Variants in NLRC5 observed in about 807,000 individuals in gnomAD.
NLRC5 encodes protein NLRC5.
NLRC5 carries 114 observed loss-of-function variants against 206.9 expected under a neutral mutation model. That is an observed-to-expected ratio of 0.55 (90% CI 0.47 to 0.64). The LOEUF (loss-of-function observed/expected upper bound fraction) is 0.64. Among genes scored for constraint, NLRC5 ranks in the 30% least tolerant of loss-of-function variants. The pLI is 0.00. For synonymous variants in NLRC5, 952 were observed against 962.8 expected (o/e 0.99, Z 0.21); for missense variants, 2,008 against 2,305.5 (o/e 0.87, Z 2.64).
rs756074401 is a variant in NLRC5, at chr16:57,026,102, G to C, written c.1159G>C (p.Glu387Gln). ...NHFFSAQPSR[E>Q]GALVELQTNG... ...CTTCTTCAGCGCCCAGCCATCGCGG[G>C]AGGGGGCCCTGGTGGAGTTACAGAC... The change falls in exon 6 of 49, where the codon GAG becomes CAG. Residue 387 changes from glutamate (E) to glutamine (Q), a missense_variant. By Grantham distance (29) the Glu-to-Gln change is conservative. Transcript: ENST00000688547. 1.9e-6 allele frequency: 3 copies of C among 1,614,030 alleles called. No individual in the cohort carries two copies. The African/African-American group carries it at 4.0e-5, about 22-fold the overall frequency.
Position 57,063,201 on chromosome 16 carries a change from C to G in NLRC5, c.4154+1500C>G, listed in dbSNP as rs532508316. 8.6e-5 allele frequency among the ~76,000 whole-genome samples: 13 copies of G among 150,978 alleles called. No individual in the cohort carries two copies. In the East Asian group the frequency reaches 2.5e-3, roughly 30 times the overall value. ...GATCTCAGCTCACTGCACCCTCCAC[C>G]TCTTGGGTTCAAGCGATTCTCCTGC... is the stretch of plus-strand genomic sequence containing the variant. On this transcript the variant is annotated intron_variant, in intron 32 of 48. Coordinates refer to ENST00000688547, the MANE Select transcript of NLRC5 (RefSeq NM_001384950.1).
rs569750633 is a variant in NLRC5 at position 57,082,641 on chromosome 16, C to T, written c.*113C>T. On this transcript the variant is annotated 3_prime_UTR_variant, in exon 49 of 49. Coordinates refer to ENST00000688547, the MANE Select transcript of NLRC5 (RefSeq NM_001384950.1). Reference sequence around the variant, plus strand: ...AAGAGCCTCGGCAGGGCGCTCTGCACTCCACCCAGGAGGAAGGATACGTGT... The same window carrying T: ...AAGAGCCTCGGCAGGGCGCTCTGCATTCCACCCAGGAGGAAGGATACGTGT... The T allele has an allele frequency of 6.7e-5, 49 of 726,164 alleles. No homozygotes were observed. The African/African-American group carries it at 8.1e-4, about 12-fold the overall frequency. The allele number at this position is 726,164 out of a possible 1,614,324, so 45.0% of individuals were successfully genotyped here. A position where few individuals can be genotyped will look rare whatever the true frequency, so the allele number is the denominator to read the frequency against.
In NLRC5 at chr16:57,029,838, C is replaced by T; in HGVS notation, c.2309C>T (p.Pro770Leu). ...ATTGTGGAGGTTCTCCCTCACCTACCACGGCTCCGGAAGCTTGAGTAAGTG... is the reference window on the plus strand; with the variant it reads ...ATTGTGGAGGTTCTCCCTCACCTACTACGGCTCCGGAAGCTTGAGTAAGTG... ...LNIVEVLPHL[P>L]RLRKLDLSSN... The change falls in exon 9 of 49, where the codon CCA becomes CTA. Residue 770 changes from proline (P) to leucine (L), a missense_variant. Physicochemically the swap from Pro to Leu is moderately conservative, Grantham distance 98. Coordinates refer to ENST00000688547, the MANE Select transcript of NLRC5 (RefSeq NM_001384950.1). 1 of 1,614,100 alleles carries T rather than the reference C, an allele frequency of 6.2e-7. No homozygotes were observed. Among genetic ancestry groups the T allele is most frequent in the Non-Finnish European group, 8.5e-7 (1 of 1,179,974 alleles).
intron 27 of NLRC5, among the ~76,000 whole-genome samples, chr16:57,057,846 T>G (rs548523434): frequency 6.6e-6 from 1 of 151,964 alleles, no homozygotes. Context: ...GTGGTGATAA[T>G]GAAAGTGGTG....
chr16:57,005,533 T>A (rs1410105430), intron 1 of NLRC5, among the ~76,000 whole-genome samples: 1 of 151,632 alleles, frequency 6.6e-6, no homozygotes, highest in Non-Finnish European at 1.5e-5. Flanking sequence ...AAAAGTGAAC[T>A]TGGGAGGTTT....
At chr16:57,020,110 A>G (rs1372167359) in intron 2 of NLRC5, among the ~76,000 whole-genome samples, 1 of 151,960 alleles carries the variant, frequency 6.6e-6, no homozygotes, top group African/African-American at 2.4e-5. Context: ...TGTCGCTCAA[A>G]TGTAGGGACT....
At chr16:57,013,578 A>C in intron 1 of NLRC5, 1 of 1,107,568 alleles carries the variant, frequency 9.0e-7, no homozygotes, top group East Asian at 2.4e-5. Context: ...TTAAGTACCC[A>C]AAGTTTCTCA....
chr16:57,065,375 T>G, intron 33 of NLRC5, 77 bp downstream of exon 33: 7 of 1,022,784 alleles, frequency 6.8e-6, no homozygotes, highest in Non-Finnish European at 8.2e-6. Context: ...CCTTCCCTCA[T>G]CCTGTGGGGT....
intron 33 of NLRC5, among the ~76,000 whole-genome samples, chr16:57,066,003 C>T (rs1454305483): frequency 1.3e-5 from 2 of 152,192 alleles, no homozygotes; most frequent in Middle Eastern, 3.2e-3. Context: ...AATGCAGACT[C>T]CAGACACATC....
At chr16:57,022,171 G>A (rs1235837270) in intron 3 of NLRC5, 85 bp from the exon 4 acceptor site, 3 of 1,129,086 alleles carry the variant, frequency 2.7e-6, no homozygotes, top group East Asian at 5.0e-5. Context: ...TGTGAGATGA[G>A]CCCTGAGCCA....
chr16:57,041,700 T>C, intron 18 of NLRC5, 126 bp downstream of exon 18: 1 of 750,830 alleles, frequency 1.3e-6, no homozygotes, highest in African/African-American at 1.7e-5. Flanking sequence ...AGAAACCCCT[T>C]GGAGAATCTG....
At chr16:57,050,519 TGGA>T (rs1206499717) in intron 23 of NLRC5, among the ~76,000 whole-genome samples, 1 of 149,882 alleles carries the variant, frequency 6.7e-6, no homozygotes, top group Non-Finnish European at 1.5e-5. Flanking sequence ...AAGGGGGAGG[TGGA>T]GAAGGCAGAA....
chr16:57,068,839 C>G (rs1356345586), intron 36 of NLRC5, among the ~76,000 whole-genome samples: 5 of 152,210 alleles, frequency 3.3e-5, no homozygotes, highest in Non-Finnish European at 7.3e-5. Context: ...GGAACACGTC[C>G]TTGGCCCTTC....
intron 32 of NLRC5, chr16:57,062,108 C>G: frequency 9.0e-7 from 1 of 1,114,382 alleles, no homozygotes. Context: ...CTAGGTTTGA[C>G]AGTTGTTCAT....
At chr16:57,073,139 C>T (rs115497002) in intron 38 of NLRC5, among the ~76,000 whole-genome samples, 2,102 of 152,252 alleles carry the variant, frequency 0.014, 44 homozygotes, top group African/African-American at 0.045. Context: ...GCACCTGGGC[C>T]GGGGACAGGA....
chr16:57,028,429 A>G (rs371021301), intron 8 of NLRC5, 44 bp downstream of exon 8: 19 of 1,481,522 alleles, frequency 1.3e-5, no homozygotes, highest in Middle Eastern at 1.7e-4. Flanking sequence ...GAGATGAGCC[A>G]CTGCCCAGGT....
At chr16:56,999,909 G>A (rs2058054395) in intron 1 of NLRC5, among the ~76,000 whole-genome samples, 1 of 152,214 alleles carries the variant, frequency 6.6e-6, no homozygotes, top group Admixed American at 6.5e-5. Context: ...GCCTCAAACA[G>A]TTGTTCCCAG....
intron 29 of NLRC5, 140 bp from the exon 30 acceptor site, chr16:57,059,327 C>A: frequency 6.8e-7 from 1 of 1,475,844 alleles, no homozygotes; most frequent in Admixed American, 2.4e-5. Flanking sequence ...TTGGGGGTCT[C>A]CTCTGGTTCT....
rs1394512776 is a variant in NLRC5, at chr16:57,058,231, G to T, written c.3830+83G>T. On this transcript the variant is annotated intron_variant, in intron 28 of 48. Transcript: ENST00000688547. ...AAGCATGATGGGGGCTCCTTCTGAG[G>T]GCATCCCCCAGAGCACCAGAGGACA... The T allele has an allele frequency of 4.3e-6, 5 of 1,169,944 alleles. No homozygotes were observed. In the Admixed American group the frequency reaches 1.0e-4, roughly 23 times the overall value. 72.5% of individuals were successfully genotyped at this position (1,169,944 alleles called of 1,614,324 possible). A position where few individuals can be genotyped will look rare whatever the true frequency, so the allele number is the denominator to read the frequency against.
Sources: gnomAD v4.1 joint callset for allele counts (sites outside exome capture counted in the v4.1 genomes callset) on GRCh38, gnomAD v4.1.1 for gene constraint, MANE v1.5 for transcripts, NCBI Gene and HGNC (gene_info 2026-07-23, HGNC 2026-07-21) for gene names.